Variants in HIP1 observed in about 807,000 individuals in gnomAD.
HIP1 encodes huntingtin interacting protein 1.
Under a neutral mutation model 147.6 loss-of-function variants are expected in HIP1, and 65 were observed. The observed-to-expected ratio is 0.44, with a 90% CI of 0.36 to 0.54. The LOEUF is 0.54. Among genes scored for constraint, HIP1 ranks in the 20% least tolerant of loss-of-function variants. HIP1 has a pLI of 0.00. For synonymous variants in HIP1, 479 were observed against 504.0 expected, an observed-to-expected ratio of 0.95 and a Z score of 0.67; for missense variants, 1,061 against 1,299.6, an observed-to-expected ratio of 0.82 and a Z score of 2.82.
chr7:75,545,326 A>C, intron 25 of HIP1, 138 bp from the exon 26 acceptor site: 1 of 650,500 alleles, frequency 1.5e-6, no homozygotes. Context: ...TTTTACAAAA[A>C]AGAAGAAGAT....
chr7:75,620,997 A>T (rs2099727248), intron 1 of HIP1, among the ~76,000 whole-genome samples: 1 of 152,108 alleles, frequency 6.6e-6, no homozygotes, highest in Admixed American at 6.6e-5. Context: ...TGGGAGGCCG[A>T]GGAGGCAGGA....
At chr7:75,669,420 G>A (rs1184262258) in intron 1 of HIP1, among the ~76,000 whole-genome samples, 5 of 151,906 alleles carry the variant, frequency 3.3e-5, no homozygotes, top group African/African-American at 1.2e-4. Flanking sequence ...AAAATTAGCT[G>A]GGTGTGGTGG....
chr7:75,702,148 T>A (rs187354006), intron 1 of HIP1, among the ~76,000 whole-genome samples: 1 of 151,854 alleles, frequency 6.6e-6, no homozygotes, highest in African/African-American at 2.4e-5. Context: ...TCTCACTCTA[T>A]TGCCCAGGCT....
At chr7:75,586,188 CTCTT>C (rs1796269351) in intron 5 of HIP1, among the ~76,000 whole-genome samples, 1 of 151,596 alleles carries the variant, frequency 6.6e-6, no homozygotes, top group South Asian at 2.1e-4. Context: ...CCTAGGGTTA[CTCTT>C]TCTTTTTTTT....
chr7:75,661,252 T>G (rs1450004540), intron 1 of HIP1, among the ~76,000 whole-genome samples: 1 of 146,288 alleles, frequency 6.8e-6, no homozygotes, highest in Non-Finnish European at 1.5e-5. Context: ...CACTCCAGCC[T>G]AGGTGACAAA....
At chr7:75,538,293 C>T in intron 30 of HIP1, 69 bp from the exon 31 acceptor site, 1 of 1,192,462 alleles carries the variant, frequency 8.4e-7, no homozygotes, top group Non-Finnish European at 1.3e-6. Flanking sequence ...CCAACAAAAC[C>T]TGCCACCATG....
At chr7:75,641,939 G>A (rs1221077016) in intron 1 of HIP1, among the ~76,000 whole-genome samples, 1 of 152,114 alleles carries the variant, frequency 6.6e-6, no homozygotes. Flanking sequence ...ACATCCCTGC[G>A]ATTCTTTCTT....
At chr7:75,623,406 T>C (rs782306029) in intron 1 of HIP1, among the ~76,000 whole-genome samples, 4 of 151,980 alleles carry the variant, frequency 2.6e-5, no homozygotes, top group Non-Finnish European at 5.9e-5. Flanking sequence ...TGCATTTGCA[T>C]GCGCATGAGG....
intron 1 of HIP1, among the ~76,000 whole-genome samples, chr7:75,725,592 G>A (rs1327634172): frequency 6.6e-6 from 1 of 152,054 alleles, no homozygotes; most frequent in Non-Finnish European, 1.5e-5. Flanking sequence ...TACAGAAAAT[G>A]TCCTTTTGTG....
chr7:75,709,493 T>C (rs1206454183), intron 1 of HIP1, among the ~76,000 whole-genome samples: 2 of 152,218 alleles, frequency 1.3e-5, no homozygotes, highest in Admixed American at 1.3e-4. Context: ...TTGTTCATGT[T>C]TAAAAATGCA....
chr7:75,539,170 C>T (rs587767161), intron 30 of HIP1, among the ~76,000 whole-genome samples, 153 bp downstream of exon 30: 4 of 152,272 alleles, frequency 2.6e-5, no homozygotes, highest in South Asian at 2.1e-4. Flanking sequence ...TTATTTACAA[C>T]GGAAGAGAAA....
intron 1 of HIP1, among the ~76,000 whole-genome samples, chr7:75,666,040 T>C (rs1255725487): frequency 2.6e-5 from 4 of 152,112 alleles, no homozygotes; most frequent in Non-Finnish European, 4.4e-5. Context: ...ACAGACGATA[T>C]GCTTGCAGTT....
intron 1 of HIP1, among the ~76,000 whole-genome samples, chr7:75,610,409 C>T (rs1031991767): frequency 3.3e-5 from 5 of 150,782 alleles, no homozygotes; most frequent in Admixed American, 2.7e-4. Context: ...ATGGGGTCTC[C>T]CTGTGTTGCC....
At chr7:75,660,267 C>T (rs1799271368) in intron 1 of HIP1, among the ~76,000 whole-genome samples, 1 of 150,606 alleles carries the variant, frequency 6.6e-6, no homozygotes, top group African/African-American at 2.4e-5. Flanking sequence ...TGGTTCATGC[C>T]TGTAATCCCA....
intron 1 of HIP1, among the ~76,000 whole-genome samples, chr7:75,620,239 A>T (rs1179617): frequency 0.25 from 38,411 of 151,672 alleles, 6,238 homozygotes; most frequent in African/African-American, 0.47. Flanking sequence ...ACAAGAAATT[A>T]TCCAGGCGTG....
intron 28 of HIP1, 99 bp downstream of exon 28, chr7:75,542,752 T>G: frequency 1.8e-6 from 2 of 1,111,904 alleles, no homozygotes; most frequent in Non-Finnish European, 1.3e-6. Context: ...ATGAAAGAAT[T>G]TAGACACAGT....
chr7:75,681,067 T>C (rs1800048407), intron 1 of HIP1, among the ~76,000 whole-genome samples: 1 of 151,696 alleles, frequency 6.6e-6, no homozygotes, highest in Admixed American at 6.6e-5. Context: ...TGAGCCACAG[T>C]GCCCAGCCCA....
intron 4 of HIP1, among the ~76,000 whole-genome samples, chr7:75,590,334 A>C (rs1180993775): frequency 6.6e-6 from 1 of 152,204 alleles, no homozygotes; most frequent in African/African-American, 2.4e-5. Context: ...CCTAGATAAA[A>C]CAAGCAAGCA....
chr7:75,595,621 G>C (rs1388920228), intron 2 of HIP1, among the ~76,000 whole-genome samples: 1 of 152,074 alleles, frequency 6.6e-6, no homozygotes, highest in Non-Finnish European at 1.5e-5. Context: ...TGGGATTACA[G>C]GTGTGAGCCA....
Sources: allele counts gnomAD v4.1 joint callset (sites outside exome capture counted in the v4.1 genomes callset), GRCh38; gene constraint gnomAD v4.1.1; transcripts MANE v1.5; gene names NCBI Gene and HGNC (gene_info 2026-07-23, HGNC 2026-07-21).